PIK3CB: variants seen among roughly 807,000 people sequenced by gnomAD.
PIK3CB encodes phosphatidylinositol 4,5-bisphosphate 3-kinase catalytic subunit beta isoform.
In PIK3CB, 39 loss-of-function variants were observed where a neutral mutation model predicts 136.8. The ratio of observed to expected loss-of-function variants is 0.29; its 90% CI spans 0.22 to 0.37. The LOEUF (loss-of-function observed/expected upper bound fraction) is 0.37. Among genes scored for constraint, PIK3CB ranks in the 10% least tolerant of loss-of-function variants. PIK3CB has a pLI of 1.00. For missense variants in PIK3CB, 868 were observed against 1,275.4 expected, an observed-to-expected ratio of 0.68 and a Z score of 4.87; for synonymous variants, 428 against 436.6, an observed-to-expected ratio of 0.98 and a Z score of 0.25.
At chr3:138,686,641 C>T (rs1437767942) in intron 16 of PIK3CB, among the ~76,000 whole-genome samples, 1 of 152,112 alleles carries the variant, frequency 6.6e-6, no homozygotes, top group Non-Finnish European at 1.5e-5. Flanking sequence ...TATACCGTAA[C>T]AAGCATATAA....
intron 1 of PIK3CB, among the ~76,000 whole-genome samples, chr3:138,804,961 C>T (rs997354962): frequency 1.0e-4 from 15 of 148,420 alleles, no homozygotes; most frequent in Non-Finnish European, 1.9e-4. Flanking sequence ...GGAGGCGGAG[C>T]TTGCAGTGAG....
rs531804389 is a variant in PIK3CB, at chr3:138,741,464, T to C, written c.621+1094A>G. On this transcript the variant is annotated intron_variant, in intron 5 of 23. Coordinates refer to ENST00000674063, the MANE Select transcript of PIK3CB (RefSeq NM_006219.3). Reference sequence around the variant, plus strand: ...CACAGAACAACGACTGTTAAGTCATTGAGCACTTACCCTGCATAATTGGTT... The same window carrying C: ...CACAGAACAACGACTGTTAAGTCATCGAGCACTTACCCTGCATAATTGGTT... 1.9e-4 allele frequency among the ~76,000 whole-genome samples: 29 copies of C among 152,350 alleles called. 1 individual carries two copies. The highest frequency in any genetic ancestry group is 6.7e-4 in the African/African-American group (28 of 41,572).
chr3:138,743,695 T>C (rs2045289664), intron 4 of PIK3CB, among the ~76,000 whole-genome samples: 1 of 152,158 alleles, frequency 6.6e-6, no homozygotes. Context: ...CCCAAGTAGC[T>C]GAAATTACAG....
intron 13 of PIK3CB, among the ~76,000 whole-genome samples, chr3:138,696,405 C>T (rs556263103): frequency 6.6e-6 from 1 of 152,010 alleles, no homozygotes; most frequent in Non-Finnish European, 1.5e-5. Flanking sequence ...TTGCTGGTCT[C>T]AAATTCCTAG....
intron 1 of PIK3CB, among the ~76,000 whole-genome samples, chr3:138,811,510 C>G (rs186256190): frequency 6.6e-6 from 1 of 150,742 alleles, no homozygotes; most frequent in Non-Finnish European, 1.5e-5. Context: ...ACTGCAACCT[C>G]CGCCTCCCAG....
At chr3:138,768,337 C>T (rs2045760135) in intron 2 of PIK3CB, among the ~76,000 whole-genome samples, 1 of 152,022 alleles carries the variant, frequency 6.6e-6, no homozygotes. Flanking sequence ...GTCTGCTGCT[C>T]TCAACCAAGA....
chr3:138,824,222 G>GAT (rs1220104803), intron 1 of PIK3CB, among the ~76,000 whole-genome samples: 2 of 152,250 alleles, frequency 1.3e-5, no homozygotes, highest in African/African-American at 4.8e-5. Flanking sequence ...TGCAGGCATG[G>GAT]ATAATCAGGA....
intron 22 of PIK3CB, 36 bp from the exon 23 acceptor site, chr3:138,656,310 T>G (rs751774843): frequency 6.2e-7 from 1 of 1,611,238 alleles, no homozygotes; most frequent in Admixed American, 1.7e-5. Flanking sequence ...GAGCACAGTG[T>G]TAGAGGGGAG....
chr3:138,732,596 A>T (rs2045006930), intron 8 of PIK3CB, among the ~76,000 whole-genome samples: 1 of 152,094 alleles, frequency 6.6e-6, no homozygotes. Flanking sequence ...TCTTTATTTA[A>T]ATGTATGGGA....
chr3:138,696,851 A>G (rs2108523920), intron 13 of PIK3CB, among the ~76,000 whole-genome samples: 1 of 152,298 alleles, frequency 6.6e-6, no homozygotes, highest in African/African-American at 2.4e-5. Context: ...TTGAAATAGC[A>G]GTAATAAAAA....
chr3:138,810,531 T>A (rs1466547406), intron 1 of PIK3CB, among the ~76,000 whole-genome samples: 2 of 151,014 alleles, frequency 1.3e-5, no homozygotes, highest in Non-Finnish European at 2.9e-5. Flanking sequence ...TCCAGTCTAA[T>A]CATTAAAAAA....
At chr3:138,747,268 T>C (rs2045380259) in intron 4 of PIK3CB, among the ~76,000 whole-genome samples, 1 of 151,150 alleles carries the variant, frequency 6.6e-6, no homozygotes, top group African/African-American at 2.4e-5. Flanking sequence ...GGATCACAAG[T>C]AGCATTTTGT....
At chr3:138,811,142 G>A (rs948585184) in intron 1 of PIK3CB, among the ~76,000 whole-genome samples, 5 of 146,592 alleles carry the variant, frequency 3.4e-5, no homozygotes, top group Admixed American at 7.1e-5. Flanking sequence ...CAGGAGACTC[G>A]CTTGAACCTG....
At chr3:138,695,309 C>T (rs908916195) in intron 13 of PIK3CB, among the ~76,000 whole-genome samples, 2 of 152,112 alleles carry the variant, frequency 1.3e-5, no homozygotes, top group Non-Finnish European at 2.9e-5. Flanking sequence ...TATGCAAGAT[C>T]ACTGCTGTAA....
chr3:138,801,545 A>C (rs939018129), intron 1 of PIK3CB, among the ~76,000 whole-genome samples: 5 of 152,008 alleles, frequency 3.3e-5, no homozygotes, highest in Non-Finnish European at 7.4e-5. Flanking sequence ...AGCCTGGACA[A>C]TGTAGCAGAT....
At position 138,742,702 on chromosome 3, in the gene PIK3CB, T is replaced by G; in HGVS notation, c.477A>C (p.Lys159Asn). ...RRKMRKFSEE[K>N]ILSLVGLSWM... is the part of the protein sequence containing the mutation. ...AAGACAATCCCACAAGTGACAGGATTTTTTCCTCGCTGAATTTGCGCATTT... is the reference window on the plus strand; with the variant it reads ...AAGACAATCCCACAAGTGACAGGATGTTTTCCTCGCTGAATTTGCGCATTT... Residue 159 changes from lysine (K) to asparagine (N), a missense_variant, in exon 5 of 24, where the codon AAA (lysine) becomes AAC (asparagine). Around this residue, in one of 4 missense-constraint regions of PIK3CB, gnomAD observed 612 missense variants for 801.1 expected, o/e 0.76. Coordinates refer to ENST00000674063, the MANE Select transcript of PIK3CB (RefSeq NM_006219.3). 3 of 1,613,602 alleles carry G rather than the reference T, an allele frequency of 1.9e-6. No homozygotes were observed. Among genetic ancestry groups the G allele is most frequent in the Non-Finnish European group, 2.5e-6 (3 of 1,179,682 alleles).
At chr3:138,764,021 G>GA (rs1387080387) in intron 2 of PIK3CB, among the ~76,000 whole-genome samples, 1 of 150,776 alleles carries the variant, frequency 6.6e-6, no homozygotes, top group African/African-American at 2.4e-5. Context: ...TGGGGCAGGA[G>GA]AATCGCTTGA....
intron 1 of PIK3CB, among the ~76,000 whole-genome samples, chr3:138,799,346 T>G (rs2046145830): frequency 6.6e-6 from 1 of 151,872 alleles, no homozygotes; most frequent in Non-Finnish European, 1.5e-5. Flanking sequence ...TCTGGCTATT[T>G]TTTTTTGTAT....
At chr3:138,692,009 A>G (rs2044019165) in intron 14 of PIK3CB, among the ~76,000 whole-genome samples, 1 of 152,234 alleles carries the variant, frequency 6.6e-6, no homozygotes, top group Admixed American at 6.5e-5. Context: ...GAGAAAGTGA[A>G]TACATTTATA....
Sources: gnomAD v4.1 joint callset for allele counts (sites outside exome capture counted in the v4.1 genomes callset) on GRCh38, gnomAD v4.1.1 for gene constraint, gnomAD v4.1.1 regional missense constraint, MANE v1.5 for transcripts, NCBI Gene and HGNC (gene_info 2026-07-23, HGNC 2026-07-21) for gene names.